The following WRN variants were observed in gnomAD, a reference collection of about 807,000 sequenced individuals.
The protein encoded by WRN is WRN RecQ like helicase.
Under a neutral mutation model 180.7 loss-of-function variants are expected in WRN, and 149 were observed. The observed-to-expected ratio is 0.82, with a 90% CI of 0.72 to 0.94. The LOEUF is 0.94. Ranked by LOEUF, WRN falls within the 40% of genes least tolerant of loss-of-function variation. WRN has a pLI of 0.00. For synonymous variants in WRN, 548 were observed against 568.9 expected, an observed-to-expected ratio of 0.96 and a Z score of 0.52; for missense variants, 1,661 against 1,700.1, an observed-to-expected ratio of 0.98 and a Z score of 0.40.
At chr8:31,147,318 T>A (rs1802896556) in intron 29 of WRN, 46 bp from the exon 30 acceptor site, 1 of 1,582,522 alleles carries the variant, frequency 6.3e-7, no homozygotes, top group Middle Eastern at 1.7e-4. Flanking sequence ...GGACTAGATC[T>A]TTTAAGTACA....
chr8:31,140,715 T>C (rs1802586669), intron 24 of WRN, among the ~76,000 whole-genome samples: 1 of 152,200 alleles, frequency 6.6e-6, no homozygotes, highest in Non-Finnish European at 1.5e-5. Context: ...ACTGCACTCA[T>C]GGATGAATAG....
chr8:31,124,630 ATTAT>A lies in WRN; in HGVS notation c.2732+14_2732+17del, dbSNP rs2130343239. 1.9e-6 allele frequency: 3 copies of A among 1,599,932 alleles called. No individual in the cohort carries two copies. The highest frequency in any genetic ancestry group is 2.6e-6 in the Non-Finnish European group (3 of 1,167,618). Reference sequence around the variant, plus strand: ...CTAGCAGATGTAGGAGACAGTATGTATTATTTATTTTATGCCAATAGTATGGATT... The same window carrying A: ...CTAGCAGATGTAGGAGACAGTATGTATTATTTTATGCCAATAGTATGGATT... On this transcript the variant is annotated splice_region_variant and intron_variant, in intron 22 of 34. Transcript: ENST00000298139.
chr8:31,104,977 G>C (rs535495591), intron 18 of WRN, among the ~76,000 whole-genome samples: 2 of 152,200 alleles, frequency 1.3e-5, no homozygotes, highest in South Asian at 4.1e-4. Context: ...TTATTCTTTT[G>C]GTAGGTTGTC....
At chr8:31,054,862 C>T (rs2955072) in intron 1 of WRN, among the ~76,000 whole-genome samples, 2,703 of 152,304 alleles carry the variant, frequency 0.018, 143 homozygotes, top group Admixed American at 0.11. Flanking sequence ...TTAAGCCCCG[C>T]ATACATTAGC....
intron 33 of WRN, among the ~76,000 whole-genome samples, chr8:31,160,352 T>A (rs565538778): frequency 6.6e-6 from 1 of 152,332 alleles, no homozygotes; most frequent in East Asian, 1.9e-4. Flanking sequence ...ATTAGCCAAA[T>A]CCTGAAGTAA....
At chr8:31,049,059 A>G (rs1811981874) in intron 1 of WRN, among the ~76,000 whole-genome samples, 1 of 151,466 alleles carries the variant, frequency 6.6e-6, no homozygotes, top group Non-Finnish European at 1.5e-5. Context: ...AAAATACAGA[A>G]AATGAGCCGG....
At chr8:31,137,819 GA>G (rs896591078) in intron 24 of WRN, among the ~76,000 whole-genome samples, 1 of 151,792 alleles carries the variant, frequency 6.6e-6, no homozygotes, top group Non-Finnish European at 1.5e-5. Flanking sequence ...GGTATAATAA[GA>G]AAAAATTAGC....
chr8:31,085,829 T>C (rs1052898264), intron 11 of WRN, among the ~76,000 whole-genome samples: 1 of 152,202 alleles, frequency 6.6e-6, no homozygotes, highest in African/African-American at 2.4e-5. Flanking sequence ...GGTAGTGATT[T>C]GGCTCTCCAG....
At chr8:31,124,443 A>G (rs1427510694) in intron 21 of WRN, 79 bp from the exon 22 acceptor site, 2 of 1,082,752 alleles carry the variant, frequency 1.8e-6, no homozygotes, top group African/African-American at 1.6e-5. Context: ...AAAAATAAAC[A>G]GTAAAAAATA....
rs757487317 is a variant in WRN at position 31,154,716 on chromosome 8, C to CA, written c.3781dup (p.Ile1261AsnfsTer18). ...TATGCACACTTTCACAGTCTATGGC[C>CA]ATCACATACTCTTTATTCCAAGAAA... is the stretch of plus-strand genomic sequence containing the variant. On this transcript the variant is annotated frameshift_variant, in exon 32 of 35. Coordinates refer to ENST00000298139, the MANE Select transcript of WRN (RefSeq NM_000553.6). LOFTEE classifies it high-confidence loss of function. 1 of 1,613,518 alleles carries CA rather than the reference C, an allele frequency of 6.2e-7. No homozygotes were observed. The highest frequency in any genetic ancestry group is 1.1e-5 in the South Asian group (1 of 91,072).
intron 1 of WRN, among the ~76,000 whole-genome samples, chr8:31,054,675 G>T (rs1426754910): frequency 2.0e-5 from 3 of 152,184 alleles, no homozygotes; most frequent in African/African-American, 2.4e-5. Context: ...TTAAAGGGGG[G>T]TTTAAAATCC....
chr8:31,077,251 C>CTTTTTTTTTTTTT (rs1296265714), intron 8 of WRN, among the ~76,000 whole-genome samples: 2 of 151,668 alleles, frequency 1.3e-5, no homozygotes, highest in African/African-American at 4.8e-5. Context: ...ATGTAACTTT[C>CTTTTTTTTTTTTT]TTTTTTTTGA....
intron 23 of WRN, among the ~76,000 whole-genome samples, chr8:31,128,560 T>C (rs1802015864): frequency 6.6e-6 from 1 of 152,136 alleles, no homozygotes; most frequent in Non-Finnish European, 1.5e-5. Flanking sequence ...ATGGAATATT[T>C]CTAAAAACTA....
chr8:31,049,210 C>CAAAAAAAAAAAAAAAAAAAAAAAAAAAAA (rs72226104), intron 1 of WRN, among the ~76,000 whole-genome samples: 1 of 31,780 alleles, frequency 3.1e-5, no homozygotes, highest in Non-Finnish European at 5.0e-5. Context: ...GACTCTGTCT[C>CAAAAAAAAAAAAAAAAAAAAAAAAAAAAA]AAAAAAAAAA....
rs575243143 is a variant in WRN, at chr8:31,065,919, C to G, written c.504+856C>G. On this transcript the variant is annotated intron_variant, in intron 5 of 34. Coordinates refer to ENST00000298139, the MANE Select transcript of WRN (RefSeq NM_000553.6). ...TTGAGGTGGAGTTTCGCTCTTGTTG[C>G]CCAGGCTGGAGTGGAATGGTGTGAT... 2.1e-3 allele frequency among the ~76,000 whole-genome samples: 306 copies of G among 146,128 alleles called. 1 individual carries two copies. The highest frequency in any genetic ancestry group is 7.5e-3 in the African/African-American group (295 of 39,222).
intron 3 of WRN, among the ~76,000 whole-genome samples, chr8:31,062,947 C>G (rs1585406770): frequency 6.6e-6 from 1 of 152,226 alleles, no homozygotes; most frequent in South Asian, 2.1e-4. Flanking sequence ...CCTTTCGCCT[C>G]AGCCTCTCAA....
intron 16 of WRN, among the ~76,000 whole-genome samples, chr8:31,096,202 C>T (rs1813970262): frequency 6.6e-6 from 1 of 152,182 alleles, no homozygotes; most frequent in African/African-American, 2.4e-5. Flanking sequence ...ACAATAGACA[C>T]TTAAACTTAT....
rs1366821136 is a variant in WRN at position 31,173,332 on chromosome 8, T to TA, written c.*230_*231insA. On this transcript the variant is annotated 3_prime_UTR_variant, in exon 35 of 35. Coordinates refer to ENST00000298139, the MANE Select transcript of WRN (RefSeq NM_000553.6). ...CACCTAACAGAATATTAAATTAGAC[T>TA]TCCTGTAAGATTGCTTTAAGAAACT... The TA allele has an allele frequency of 1.2e-5, 6 of 516,192 alleles. No homozygotes were observed. The highest frequency in any genetic ancestry group is 2.1e-5 in the Non-Finnish European group (6 of 288,640). 32.0% of individuals were successfully genotyped at this position (516,192 alleles called of 1,614,324 possible).
Position 31,058,509 on chromosome 8 carries a change from T to C in WRN, c.62T>C (p.Val21Ala), listed in dbSNP as rs1303691827. The C allele has an allele frequency of 6.2e-7, 1 of 1,613,862 alleles. No individual in the cohort carries two copies. Among genetic ancestry groups the C allele is most frequent in the South Asian group, 1.1e-5 (1 of 91,050 alleles). ...CGGAAATGTCCTGAATGGATGAATG[T>C]GCAGAATAAAAGATGTGCTGTAGAA... The part of the protein sequence containing the change: ...QQRKCPEWMN[V>A]QNKRCAVEER... The change falls in exon 2 of 35, where the codon GTG (valine) becomes GCG (alanine). Residue 21 changes from valine (V) to alanine (A), a missense_variant. Coordinates refer to ENST00000298139, the MANE Select transcript of WRN (RefSeq NM_000553.6).
Sources: gnomAD v4.1 joint callset for allele counts (sites outside exome capture counted in the v4.1 genomes callset) on GRCh38, gnomAD v4.1.1 for gene constraint, MANE v1.5 for transcripts, NCBI Gene and HGNC (gene_info 2026-07-23, HGNC 2026-07-21) for gene names.